The following RALGPS2 variants were observed in gnomAD, a reference collection of about 807,000 sequenced individuals.
The protein encoded by RALGPS2 is Ral GEF with PH domain and SH3 binding motif 2.
In RALGPS2, 43 loss-of-function variants were observed where a neutral mutation model predicts 86.8. That is an observed-to-expected ratio of 0.50 (90% CI 0.39 to 0.64). The LOEUF (loss-of-function observed/expected upper bound fraction) is 0.64. Among genes scored for constraint, RALGPS2 ranks in the 30% least tolerant of loss-of-function variants. RALGPS2 has a pLI of 0.00. For missense variants in RALGPS2, 536 were observed against 694.6 expected, an observed-to-expected ratio of 0.77 and a Z score of 2.57; for synonymous variants, 243 against 231.3, an observed-to-expected ratio of 1.05 and a Z score of -0.46.
intron 18 of RALGPS2, among the ~76,000 whole-genome samples, chr1:178,906,237 T>C (rs1344069934): frequency 1.3e-5 from 2 of 152,124 alleles, no homozygotes; most frequent in Admixed American, 1.3e-4. Flanking sequence ...TAGCTGGGCA[T>C]GGTGGTGCAC....
intron 6 of RALGPS2, among the ~76,000 whole-genome samples, chr1:178,813,386 A>T (rs1445676806): frequency 6.6e-6 from 1 of 152,184 alleles, no homozygotes; most frequent in East Asian, 1.9e-4. Flanking sequence ...TCAAACAATC[A>T]TTTAACTTCA....
At chr1:178,810,540 T>C (rs1224516516) in intron 5 of RALGPS2, among the ~76,000 whole-genome samples, 1 of 152,090 alleles carries the variant, frequency 6.6e-6, no homozygotes, top group Non-Finnish European at 1.5e-5. Context: ...ATTTTTTTTT[T>C]TTTTTTAGGA....
At chr1:178,900,646 T>G (rs371281923) in intron 17 of RALGPS2, among the ~76,000 whole-genome samples, 89 of 152,104 alleles carry the variant, frequency 5.9e-4, no homozygotes, top group African/African-American at 2.0e-3. Context: ...CCCAAAATAC[T>G]TATCAATAAG....
rs780711558 is a variant in RALGPS2, at chr1:178,761,557, ATTTG to A, written c.-83-15109_-83-15106del. ...ATTGATAAAGCTTTCAATTGTTTTT[ATTTG>A]TTTGTTTGTTTGTTTTTTAGGCAGA... On this transcript the variant is annotated intron_variant, in intron 1 of 19. Transcript: ENST00000367635. Among the ~76,000 whole-genome samples the A allele has an allele frequency of 8.6e-4, 129 of 150,810 alleles. 1 individual carries two copies. Among genetic ancestry groups the A allele is most frequent in the Non-Finnish European group, 4.7e-4 (32 of 67,674 alleles).
intron 1 of RALGPS2, among the ~76,000 whole-genome samples, chr1:178,745,820 TTC>T (rs1651285075): frequency 7.1e-6 from 1 of 141,052 alleles, no homozygotes; most frequent in African/African-American, 2.8e-5. Flanking sequence ...AATTCAATTC[TTC>T]TTTTTTTTTT....
intron 8 of RALGPS2, among the ~76,000 whole-genome samples, chr1:178,861,574 G>T (rs1489044424): frequency 6.6e-6 from 1 of 151,964 alleles, no homozygotes; most frequent in African/African-American, 2.4e-5. Flanking sequence ...ATTTCTGCTA[G>T]AATTGGTTAT....
chr1:178,813,548 G>A (rs1441375250), intron 6 of RALGPS2, among the ~76,000 whole-genome samples: 1 of 152,084 alleles, frequency 6.6e-6, no homozygotes. Context: ...TCTTACTTGA[G>A]TATTGTTATC....
At chr1:178,737,834 A>C (rs903645058) in intron 1 of RALGPS2, among the ~76,000 whole-genome samples, 2 of 151,912 alleles carry the variant, frequency 1.3e-5, no homozygotes, top group Non-Finnish European at 2.9e-5. Context: ...CTGGATTCCA[A>C]TGGCATGATC....
intron 1 of RALGPS2, among the ~76,000 whole-genome samples, chr1:178,760,982 T>TA (rs200563516): frequency 7.3e-4 from 110 of 150,374 alleles, no homozygotes; most frequent in South Asian, 1.3e-3. Flanking sequence ...CTTTATTCTT[T>TA]TTTTTTTTTT....
chr1:178,768,749 C>A (rs1343581765), intron 1 of RALGPS2, among the ~76,000 whole-genome samples: 2 of 152,166 alleles, frequency 1.3e-5, no homozygotes, highest in African/African-American at 4.8e-5. Flanking sequence ...GGCACAAGAA[C>A]CAAGGCCAAA....
intron 1 of RALGPS2, among the ~76,000 whole-genome samples, chr1:178,775,319 T>TATTGCTTCTCCAGAGAAAGG (rs1399814717): frequency 6.6e-6 from 1 of 152,180 alleles, no homozygotes. Context: ...CTATATCCTA[T>TATTGCTTCTCCAGAGAAAGG]ATTGCTTCTC....
chr1:178,758,951 G>A (rs1652093137), intron 1 of RALGPS2, among the ~76,000 whole-genome samples: 1 of 151,950 alleles, frequency 6.6e-6, no homozygotes, highest in Non-Finnish European at 1.5e-5. Flanking sequence ...AGTTGTTTGA[G>A]CTCCTTATAT....
At position 178,827,769 on chromosome 1, in the gene RALGPS2, T is replaced by G. The variant is rs112953219; in HGVS notation, c.481-5655T>G. On this transcript the variant is annotated intron_variant, in intron 7 of 19. Coordinates refer to ENST00000367635, the MANE Select transcript of RALGPS2 (RefSeq NM_152663.5). ...TTGTGGTTAGCATAAAATAGACATGTAGACCAATGGACCAAAATAAAGGGC... is the reference window on the plus strand; with the variant it reads ...TTGTGGTTAGCATAAAATAGACATGGAGACCAATGGACCAAAATAAAGGGC... 1.3e-3 allele frequency among the ~76,000 whole-genome samples: 194 copies of G among 152,280 alleles called. 2 individuals carry two copies. The highest frequency in any genetic ancestry group is 4.3e-3 in the African/African-American group (178 of 41,558).
At chr1:178,757,026 G>C (rs1384090838) in intron 1 of RALGPS2, among the ~76,000 whole-genome samples, 2 of 151,994 alleles carry the variant, frequency 1.3e-5, no homozygotes, top group Non-Finnish European at 2.9e-5. Context: ...TTGTTTGTTT[G>C]TTTCTATGTA....
intron 19 of RALGPS2, among the ~76,000 whole-genome samples, chr1:178,911,607 T>C (rs1179688520): frequency 1.3e-5 from 2 of 152,210 alleles, no homozygotes; most frequent in Non-Finnish European, 2.9e-5. Flanking sequence ...TTTTTGAATA[T>C]GTTGGCACTT....
chr1:178,790,808 A>G (rs976354721), intron 4 of RALGPS2, among the ~76,000 whole-genome samples: 1 of 152,242 alleles, frequency 6.6e-6, no homozygotes, highest in East Asian at 1.9e-4. Context: ...TGATAAGTTA[A>G]AAATAGATTG....
intron 6 of RALGPS2, among the ~76,000 whole-genome samples, chr1:178,814,340 A>G (rs193111829): frequency 2.0e-5 from 3 of 152,310 alleles, no homozygotes; most frequent in South Asian, 4.1e-4. Flanking sequence ...CCCTGCTGCC[A>G]TAAGCATTCT....
rs1653697305 is a variant in RALGPS2 at position 178,787,187 on chromosome 1, A to T, written c.213+1580A>T. 2.0e-5 allele frequency among the ~76,000 whole-genome samples: 3 copies of T among 152,218 alleles called. No individual in the cohort carries two copies. In the South Asian group the frequency reaches 6.2e-4, roughly 32 times the overall value. On this transcript the variant is annotated intron_variant, in intron 4 of 19. Transcript: ENST00000367635. ...ATCAAAAAAATGAAATTCTTTATGC[A>T]AATTACGTTTTTGACCTAAAATTCA...
At chr1:178,836,248 A>T (rs989266894) in intron 8 of RALGPS2, among the ~76,000 whole-genome samples, 1 of 152,250 alleles carries the variant, frequency 6.6e-6, no homozygotes, top group Non-Finnish European at 1.5e-5. Flanking sequence ...GACCTGAAAC[A>T]AAGAGTAATC....
Sources: gnomAD v4.1 joint callset for allele counts (sites outside exome capture counted in the v4.1 genomes callset) on GRCh38, gnomAD v4.1.1 for gene constraint, MANE v1.5 for transcripts, NCBI Gene and HGNC (gene_info 2026-07-23, HGNC 2026-07-21) for gene names.